The following CNTN1 variants were observed in gnomAD, a reference collection of about 807,000 sequenced individuals.
The protein encoded by CNTN1 is contactin-1.
CNTN1 carries 38 observed loss-of-function variants against 126.4 expected under a neutral mutation model. The ratio of observed to expected loss-of-function variants is 0.30; its 90% CI spans 0.23 to 0.39. The LOEUF (loss-of-function observed/expected upper bound fraction) is 0.39, where lower values mean the gene tolerates loss of function less well. Ranked by LOEUF, CNTN1 falls within the 10% of genes least tolerant of loss-of-function variation. The pLI, the probability that CNTN1 is intolerant of heterozygous loss-of-function variation, is 1.00. For missense variants in CNTN1, 1,009 were observed against 1,248.4 expected (o/e 0.81, Z 2.89); for synonymous variants, 413 against 422.6 (o/e 0.98, Z 0.28).
At chr12:40,841,037 C>G (rs182575515) in intron 1 of CNTN1, among the ~76,000 whole-genome samples, 89 of 151,524 alleles carry the variant, frequency 5.9e-4, no homozygotes, top group African/African-American at 2.0e-3. Context: ...AAAATATAAA[C>G]AAAATGGATA....
intron 1 of CNTN1, among the ~76,000 whole-genome samples, chr12:40,864,019 C>CTTTT (rs71434336): frequency 3.2e-4 from 30 of 92,578 alleles, no homozygotes; most frequent in Non-Finnish European, 5.3e-4. Context: ...CTCTGCTTTC[C>CTTTT]TTTTTTTTTT....
chr12:40,999,696 G>GT (rs1948306914), intron 17 of CNTN1, among the ~76,000 whole-genome samples: 2 of 118,288 alleles, frequency 1.7e-5, no homozygotes, highest in Admixed American at 1.9e-4. Flanking sequence ...GTTCTTCTGT[G>GT]CTTTTTTTTT....
chr12:41,031,579 T>C (rs937052795), intron 23 of CNTN1, among the ~76,000 whole-genome samples: 24 of 152,310 alleles, frequency 1.6e-4, no homozygotes, highest in South Asian at 1.2e-3. Flanking sequence ...AGGGGTTGTA[T>C]CGGTTGATTT....
intron 15 of CNTN1, chr12:40,972,386 G>A: frequency 2.0e-6 from 2 of 983,920 alleles, no homozygotes; most frequent in Non-Finnish European, 2.4e-6. Flanking sequence ...AAAGAGATGT[G>A]CTTAAAATTC....
At chr12:40,805,999 G>A (rs1295320922) in intron 1 of CNTN1, among the ~76,000 whole-genome samples, 1 of 152,044 alleles carries the variant, frequency 6.6e-6, no homozygotes, top group African/African-American at 2.4e-5. Flanking sequence ...TCTGCTCCCA[G>A]CTCTCCGCTG....
At chr12:40,877,120 C>T (rs192929603) in intron 1 of CNTN1, among the ~76,000 whole-genome samples, 5 of 152,228 alleles carry the variant, frequency 3.3e-5, no homozygotes, top group African/African-American at 7.2e-5. Flanking sequence ...ATTTTCCCTT[C>T]GACAACTGTC....
rs183064595 is a variant in CNTN1 at position 40,769,879 on chromosome 12, T to C, written c.-77+77287T>C. 2.8e-3 allele frequency among the ~76,000 whole-genome samples: 422 copies of C among 152,260 alleles called. 2 individuals are homozygous for C. Among genetic ancestry groups the C allele is most frequent in the African/African-American group, 9.0e-3 (374 of 41,556 alleles). ...AGGAAAGGTTTCATCCTTGGCCCAG[T>C]AATTAGTTATGTGTAAATATCTCTA... On this transcript the variant is annotated intron_variant, in intron 1 of 23. Transcript: ENST00000551295.
chr12:40,860,933 C>T (rs1300144198), intron 1 of CNTN1, among the ~76,000 whole-genome samples: 1 of 151,974 alleles, frequency 6.6e-6, no homozygotes, highest in Non-Finnish European at 1.5e-5. Flanking sequence ...CAAAGAGTCA[C>T]CTTATTACTA....
At chr12:40,952,953 A>G (rs753150326) in intron 14 of CNTN1, among the ~76,000 whole-genome samples, 16 of 152,166 alleles carry the variant, frequency 1.1e-4, no homozygotes, top group Non-Finnish European at 1.9e-4. Flanking sequence ...CTGAACTTGA[A>G]TGGAACAAAT....
intron 1 of CNTN1, among the ~76,000 whole-genome samples, chr12:40,872,570 T>C (rs1943538554): frequency 1.9e-5 from 2 of 104,438 alleles, no homozygotes; most frequent in Admixed American, 1.1e-4. Context: ...ATTTTTTCTT[T>C]CTTTTTTTTT....
intron 1 of CNTN1, among the ~76,000 whole-genome samples, chr12:40,885,471 A>G (rs1404941257): frequency 6.6e-6 from 1 of 151,986 alleles, no homozygotes; most frequent in Non-Finnish European, 1.5e-5. Context: ...CATGGACTCT[A>G]GAGCTAAACT....
intron 1 of CNTN1, among the ~76,000 whole-genome samples, chr12:40,753,718 G>A (rs1938491274): frequency 6.6e-6 from 1 of 152,062 alleles, no homozygotes; most frequent in Non-Finnish European, 1.5e-5. Context: ...GATTTGGGTG[G>A]CGACATAGCC....
At position 41,071,537 on chromosome 12, in the gene CNTN1, T is replaced by C. The variant is rs933955428; in HGVS notation, c.*1502T>C. 6.6e-6 allele frequency: 1 copy of C among 152,204 alleles called. No homozygotes were observed. 9.4% of individuals were successfully genotyped at this position (152,204 alleles called of 1,614,324 possible). ...AAGCAAAATAGATCTATTACTACTT[T>C]ACCGACTTTACCCCCTTTCTTTAAT... On this transcript the variant is annotated 3_prime_UTR_variant, in exon 24 of 24. Coordinates refer to ENST00000551295, the MANE Select transcript of CNTN1 (RefSeq NM_001843.4).
At chr12:40,955,774 A>C (rs935848633) in intron 14 of CNTN1, among the ~76,000 whole-genome samples, 2 of 152,164 alleles carry the variant, frequency 1.3e-5, no homozygotes, top group Non-Finnish European at 2.9e-5. Context: ...AGTTACAATG[A>C]AACTGTACAG....
At chr12:40,888,801 G>T (rs926787089) in intron 1 of CNTN1, among the ~76,000 whole-genome samples, 1 of 152,220 alleles carries the variant, frequency 6.6e-6, no homozygotes, top group African/African-American at 2.4e-5. Flanking sequence ...AGTCTAACAA[G>T]CTGGGTGGCT....
chr12:40,913,944 A>G (rs1290766530), intron 3 of CNTN1, among the ~76,000 whole-genome samples: 1 of 152,240 alleles, frequency 6.6e-6, no homozygotes, highest in Non-Finnish European at 1.5e-5. Context: ...ATGTATTTGC[A>G]TTAAAAGCAG....
At chr12:40,938,811 G>A (rs1031136312) in intron 11 of CNTN1, among the ~76,000 whole-genome samples, 3 of 152,156 alleles carry the variant, frequency 2.0e-5, no homozygotes, top group African/African-American at 7.2e-5. Context: ...GTCTCACGGT[G>A]TTGCCCAGCC....
At chr12:40,860,508 C>T (rs1943078582) in intron 1 of CNTN1, among the ~76,000 whole-genome samples, 1 of 152,114 alleles carries the variant, frequency 6.6e-6, no homozygotes, top group East Asian at 1.9e-4. Flanking sequence ...TCCTGTATTT[C>T]TGATCAACGG....
chr12:41,027,373 G>C (rs1189641946), intron 21 of CNTN1, among the ~76,000 whole-genome samples: 1 of 152,088 alleles, frequency 6.6e-6, no homozygotes, highest in Non-Finnish European at 1.5e-5. Flanking sequence ...AGTTGACAGA[G>C]GGAGCCAGCT....
Sources: allele counts gnomAD v4.1 joint callset (sites outside exome capture counted in the v4.1 genomes callset), GRCh38; gene constraint gnomAD v4.1.1; transcripts MANE v1.5; gene names NCBI Gene and HGNC (gene_info 2026-07-23, HGNC 2026-07-21).